CFAP20DC: variants seen among roughly 807,000 people sequenced by gnomAD.
The protein encoded by CFAP20DC is protein CFAP20DC.
In CFAP20DC, 84 loss-of-function variants were observed where a neutral mutation model predicts 101.7. That is an observed-to-expected ratio of 0.83 (90% CI 0.69 to 0.99). CFAP20DC has a LOEUF of 0.99. CFAP20DC is among the 50% of genes least tolerant of loss of function. CFAP20DC has a pLI of 0.00. For synonymous variants in CFAP20DC, 359 were observed against 351.2 expected, an observed-to-expected ratio of 1.02 and a Z score of -0.25; for missense variants, 1,007 against 970.3, an observed-to-expected ratio of 1.04 and a Z score of -0.50.
At position 58,748,351 on chromosome 3, in the gene CFAP20DC, G is replaced by A. The variant is rs569582109; in HGVS notation, c.2332+5418C>T. Among the ~76,000 whole-genome samples, 17 of 152,236 alleles carry A rather than the reference G, an allele frequency of 1.1e-4. No homozygotes were observed. The South Asian group carries it at 3.5e-3, about 32-fold the overall frequency. On this transcript the variant is annotated intron_variant, in intron 16 of 16. Coordinates refer to ENST00000482387, the MANE Select transcript of CFAP20DC (RefSeq NM_001394063.1). ...AAGGAAAGCTGGGACCAGCCTTCTG[G>A]GTTGCACGTGGTGGATAGGTAGGTG...
At chr3:59,047,069 G>T in intron 2 of CFAP20DC, 96 bp downstream of exon 2, 1 of 803,352 alleles carries the variant, frequency 1.2e-6, no homozygotes, top group Non-Finnish European at 2.0e-6. Context: ...GAAAGAACAG[G>T]AAAAACAGCT....
At chr3:58,993,109 G>C (rs184718224) in intron 4 of CFAP20DC, among the ~76,000 whole-genome samples, 228 of 152,264 alleles carry the variant, frequency 1.5e-3, no homozygotes, top group Non-Finnish European at 2.5e-3. Context: ...TAGAATAGTA[G>C]TGTTGAATAT....
At chr3:58,760,079 T>C (rs531766770) in intron 15 of CFAP20DC, among the ~76,000 whole-genome samples, 5 of 152,324 alleles carry the variant, frequency 3.3e-5, no homozygotes, top group African/African-American at 7.2e-5. Context: ...AAGAAAGTCA[T>C]TGGTAGCTTG....
rs1399197047 is a variant in CFAP20DC at position 58,723,761 on chromosome 3, C to G, written c.198-6133G>C. 2.6e-5 allele frequency among the ~76,000 whole-genome samples: 4 copies of G among 152,132 alleles called. No individual in the cohort carries two copies. The South Asian group carries it at 6.2e-4, about 24-fold the overall frequency. ...GTAAGTAGTAACCTTCCCCTTAGGG[C>G]TAGTAAGAGGATTAAATAATGCAAG... On this transcript the variant is annotated intron_variant, in intron 3 of 3. Coordinates refer to the CFAP20DC transcript ENST00000486145.
chr3:58,841,996 A>G (rs2077150934), intron 13 of CFAP20DC, among the ~76,000 whole-genome samples: 1 of 152,242 alleles, frequency 6.6e-6, no homozygotes, highest in Admixed American at 6.5e-5. Flanking sequence ...CATGGTTGCA[A>G]TATTACCCAG....
chr3:58,953,713 C>G (rs971457398), intron 4 of CFAP20DC: 2 of 152,128 alleles, frequency 1.3e-5, no homozygotes, highest in African/African-American at 4.8e-5. Context: ...CTTCATTACA[C>G]TTATGTGCTT....
intron 15 of CFAP20DC, among the ~76,000 whole-genome samples, chr3:58,792,976 C>T (rs2072975741): frequency 6.6e-6 from 1 of 152,034 alleles, no homozygotes; most frequent in Admixed American, 6.6e-5. Flanking sequence ...CCTGTAAGGG[C>T]ACTGCTGTGG....
intron 4 of CFAP20DC, among the ~76,000 whole-genome samples, chr3:59,004,031 C>G (rs780738724): frequency 2.0e-5 from 3 of 152,138 alleles, no homozygotes; most frequent in Non-Finnish European, 4.4e-5. Context: ...GATATAGTTA[C>G]AGGACAGGGC....
At chr3:58,756,152 C>T (rs759820707) in intron 15 of CFAP20DC, among the ~76,000 whole-genome samples, 1 of 152,110 alleles carries the variant, frequency 6.6e-6, no homozygotes, top group Non-Finnish European at 1.5e-5. Context: ...TGTGCACTCA[C>T]ATTGGTTCCT....
At chr3:58,816,380 C>T (rs55761004) in intron 14 of CFAP20DC, among the ~76,000 whole-genome samples, 1,712 of 152,256 alleles carry the variant, frequency 0.011, 22 homozygotes, top group Non-Finnish European at 0.016. Context: ...TCTGAGGTAC[C>T]GGGTTTATCT....
At chr3:59,039,213 T>C (rs1258868747) in intron 4 of CFAP20DC, among the ~76,000 whole-genome samples, 1 of 152,096 alleles carries the variant, frequency 6.6e-6, no homozygotes, top group Non-Finnish European at 1.5e-5. Flanking sequence ...TAGTTTTGAA[T>C]AGCAGACCGT....
intron 15 of CFAP20DC, among the ~76,000 whole-genome samples, chr3:58,761,409 A>G (rs1034288678): frequency 6.6e-6 from 1 of 151,994 alleles, no homozygotes; most frequent in East Asian, 1.9e-4. Flanking sequence ...TATTGCACCT[A>G]TTTGATTCTT....
intron 12 of CFAP20DC, among the ~76,000 whole-genome samples, chr3:58,858,905 T>A (rs761429759): frequency 6.6e-6 from 1 of 152,196 alleles, no homozygotes; most frequent in Non-Finnish European, 1.5e-5. Context: ...TTTGCACAAA[T>A]TCAGCTAAAG....
chr3:58,769,004 T>C (rs976593140), intron 15 of CFAP20DC, among the ~76,000 whole-genome samples: 4 of 152,108 alleles, frequency 2.6e-5, no homozygotes, highest in Non-Finnish European at 1.5e-5. Flanking sequence ...AGGCAGGGGA[T>C]CCAAATGGAA....
At chr3:58,943,464 G>T (rs1262527043) in intron 4 of CFAP20DC, among the ~76,000 whole-genome samples, 1 of 152,154 alleles carries the variant, frequency 6.6e-6, no homozygotes, top group African/African-American at 2.4e-5. Context: ...AACTTCAGCA[G>T]ACCTACAGCA....
At chr3:58,815,671 C>A (rs1208600934) in intron 14 of CFAP20DC, among the ~76,000 whole-genome samples, 2 of 151,136 alleles carry the variant, frequency 1.3e-5, no homozygotes, top group African/African-American at 2.4e-5. Context: ...AGAAAAAAAA[C>A]AAACAACCCC....
chr3:58,775,618 G>T (rs147528936), intron 15 of CFAP20DC, among the ~76,000 whole-genome samples: 1 of 152,198 alleles, frequency 6.6e-6, no homozygotes, highest in East Asian at 1.9e-4. Flanking sequence ...AGAAAGAGAA[G>T]GGTAAACATG....
At chr3:58,813,760 T>C (rs532981674) in intron 14 of CFAP20DC, among the ~76,000 whole-genome samples, 5 of 152,064 alleles carry the variant, frequency 3.3e-5, no homozygotes, top group African/African-American at 9.7e-5. Flanking sequence ...CTACCTGTTA[T>C]GCACCATGAA....
intron 3 of CFAP20DC, among the ~76,000 whole-genome samples, chr3:59,042,448 C>T (rs1273682070): frequency 6.6e-6 from 1 of 151,644 alleles, no homozygotes; most frequent in African/African-American, 2.4e-5. Context: ...GGGGTAAATG[C>T]TGTAGGTAGA....
Sources: gnomAD v4.1 joint callset for allele counts (sites outside exome capture counted in the v4.1 genomes callset) on GRCh38, gnomAD v4.1.1 for gene constraint, MANE v1.5 for transcripts, NCBI Gene and HGNC (gene_info 2026-07-23, HGNC 2026-07-21) for gene names.